FOXJ3: variants seen among roughly 807,000 people sequenced by gnomAD.
FOXJ3 encodes the protein forkhead box protein J3.
A neutral mutation model predicts 76.1 loss-of-function variants in FOXJ3; 22 were observed. That is an observed-to-expected ratio of 0.29 (90% CI 0.21 to 0.41). FOXJ3 has a LOEUF of 0.41. FOXJ3 is among the 10% of genes least tolerant of loss of function. FOXJ3 has a pLI of 1.00. For missense variants in FOXJ3, 613 were observed against 762.1 expected, an observed-to-expected ratio of 0.80 and a Z score of 2.30; for synonymous variants, 269 against 261.2, an observed-to-expected ratio of 1.03 and a Z score of -0.29.
chr1:42,300,166 C>T (rs1364016531), intron 2 of FOXJ3, among the ~76,000 whole-genome samples: 1 of 152,068 alleles, frequency 6.6e-6, no homozygotes, highest in Non-Finnish European at 1.5e-5. Context: ...TGCCACTACA[C>T]TCCAGCCTGG....
intron 2 of FOXJ3, among the ~76,000 whole-genome samples, chr1:42,292,589 T>C (rs1021170402): frequency 6.6e-6 from 1 of 151,738 alleles, no homozygotes; most frequent in Non-Finnish European, 1.5e-5. Flanking sequence ...ATCTAGAAAA[T>C]GCAAATATAT....
At chr1:42,185,014 T>C (rs1378259874) in intron 11 of FOXJ3, among the ~76,000 whole-genome samples, 1 of 152,026 alleles carries the variant, frequency 6.6e-6, no homozygotes, top group Non-Finnish European at 1.5e-5. Context: ...GTAGGCCATA[T>C]AGGCCATAGT....
At chr1:42,306,663 C>CTGCTATCCCT (rs1295343989) in intron 2 of FOXJ3, among the ~76,000 whole-genome samples, 1 of 152,150 alleles carries the variant, frequency 6.6e-6, no homozygotes, top group Non-Finnish European at 1.5e-5. Context: ...TGTGAATGGC[C>CTGCTATCCCT]TGCTATCCCT....
chr1:42,177,983 T>C lies in FOXJ3; in HGVS notation c.*1727A>G, dbSNP rs1487932801. 2.6e-5 allele frequency: 4 copies of C among 152,058 alleles called. No individual in the cohort carries two copies. The highest frequency in any genetic ancestry group is 7.3e-5 in the African/African-American group (3 of 41,124). 9.4% of individuals were successfully genotyped at this position (152,058 alleles called of 1,614,324 possible). ...ATTTCCCCATTAGAACTGACACTTT[T>C]TGGGGGGTCTAAAGAATCAATTCAA... On this transcript the variant is annotated 3_prime_UTR_variant, in exon 13 of 13. Coordinates refer to ENST00000361346, the MANE Select transcript of FOXJ3 (RefSeq NM_014947.5).
Position 42,242,829 on chromosome 1 carries a change from T to A in FOXJ3, c.445-14863A>T, listed in dbSNP as rs553861955. Among the ~76,000 whole-genome samples the A allele has an allele frequency of 3.3e-5, 5 of 152,200 alleles. No individual in the cohort carries two copies. In the East Asian group the frequency reaches 7.7e-4, roughly 24 times the overall value. ...TCTATTATAGCAAGAGATTTAGACA[T>A]CCAGATACAGGAAGCTCAGAGATCC... is the stretch of plus-strand genomic sequence containing the variant. On this transcript the variant is annotated intron_variant, in intron 4 of 12. Coordinates refer to ENST00000361346, the MANE Select transcript of FOXJ3 (RefSeq NM_014947.5).
chr1:42,285,799 GAC>G (rs1653017192), intron 2 of FOXJ3, among the ~76,000 whole-genome samples: 1 of 152,218 alleles, frequency 6.6e-6, no homozygotes, highest in Non-Finnish European at 1.5e-5. Context: ...ATGGACTAGT[GAC>G]TACTGAGTTT....
chr1:42,181,838 C>T lies in FOXJ3; in HGVS notation c.1753+79G>A, dbSNP rs1014613035. ...ACACACACACACACACTCTCTCTCT[C>T]ACCTGCCATCGTTGTTCCTGGAGTG... On this transcript the variant is annotated intron_variant, in intron 12 of 12. Transcript: ENST00000361346. 2.4e-5 allele frequency: 22 copies of T among 898,744 alleles called. No homozygotes were observed. The African/African-American group carries it at 3.0e-4, about 12-fold the overall frequency. The allele number at this position is 898,744 out of a possible 1,614,324, so 55.7% of individuals were successfully genotyped here.
intron 4 of FOXJ3, 37 bp from the exon 5 acceptor site, chr1:42,228,003 G>A: frequency 1.9e-6 from 2 of 1,045,696 alleles, no homozygotes; most frequent in Non-Finnish European, 1.4e-6. Context: ...GTATATTACA[G>A]CAAACCTATG....
chr1:42,215,440 AT>A, intron 5 of FOXJ3, among the ~76,000 whole-genome samples: 1 of 152,170 alleles, frequency 6.6e-6, no homozygotes, highest in East Asian at 1.9e-4. Context: ...TCAAAAGCTT[AT>A]GAAAAAAAGA....
intron 11 of FOXJ3, among the ~76,000 whole-genome samples, chr1:42,186,176 C>T (rs535846792): frequency 7.2e-5 from 11 of 152,028 alleles, no homozygotes; most frequent in African/African-American, 2.2e-4. Context: ...GGATGTAAGA[C>T]AGAGAAAAAA....
At chr1:42,188,185 T>C (rs1646474654) in intron 11 of FOXJ3, among the ~76,000 whole-genome samples, 1 of 152,006 alleles carries the variant, frequency 6.6e-6, no homozygotes, top group Non-Finnish European at 1.5e-5. Context: ...TACAGAAAAA[T>C]GTGCAATCAG....
chr1:42,274,442 T>C (rs1175780155), intron 3 of FOXJ3, among the ~76,000 whole-genome samples: 3 of 152,246 alleles, frequency 2.0e-5, no homozygotes, highest in African/African-American at 4.8e-5. Context: ...TGCAGAATTA[T>C]GCATCTTGTG....
intron 1 of FOXJ3, chr1:42,334,849 G>A (rs1313532663): frequency 6.6e-6 from 1 of 152,218 alleles, no homozygotes; most frequent in Non-Finnish European, 1.5e-5. Context: ...GCGCCGCGGG[G>A]GAGGGAAGGA....
intron 1 of FOXJ3, among the ~76,000 whole-genome samples, chr1:42,327,880 G>A (rs1655930292): frequency 6.6e-6 from 1 of 152,186 alleles, no homozygotes; most frequent in South Asian, 2.1e-4. Flanking sequence ...CTGACTGAAA[G>A]TCAGTTTACT....
intron 5 of FOXJ3, among the ~76,000 whole-genome samples, chr1:42,208,963 TGGTTGTATA>T (rs1646912889): frequency 6.6e-6 from 1 of 152,192 alleles, no homozygotes; most frequent in South Asian, 2.1e-4. Flanking sequence ...AAAAACAGAA[TGGTTGTATA>T]GGTACTTGAA....
At chr1:42,272,401 G>A (rs532171707) in intron 3 of FOXJ3, among the ~76,000 whole-genome samples, 8 of 152,288 alleles carry the variant, frequency 5.3e-5, no homozygotes, top group South Asian at 2.1e-4. Flanking sequence ...GTCTCCACTC[G>A]AAGTGTTCAA....
intron 6 of FOXJ3, among the ~76,000 whole-genome samples, chr1:42,203,886 C>T (rs1168100057): frequency 6.6e-6 from 1 of 151,550 alleles, no homozygotes; most frequent in South Asian, 2.1e-4. Context: ...ATCCCAGCTA[C>T]TTGGGAGGCT....
intron 1 of FOXJ3, among the ~76,000 whole-genome samples, chr1:42,324,054 C>CTGTATATACAGTGTATATATAGTATATAT (rs1557725618): frequency 3.5e-5 from 4 of 112,748 alleles, no homozygotes; most frequent in South Asian, 2.9e-4. Context: ...ATAGTATATA[C>CTGTATATACAGTGTATATATAGTATATAT]ACTGTATATA....
chr1:42,247,114 A>G (rs1188972191), intron 4 of FOXJ3, among the ~76,000 whole-genome samples: 1 of 152,178 alleles, frequency 6.6e-6, no homozygotes, highest in East Asian at 1.9e-4. Flanking sequence ...TAGACTGGCT[A>G]TAATTATCAA....
Sources: allele counts gnomAD v4.1 joint callset (sites outside exome capture counted in the v4.1 genomes callset), GRCh38; gene constraint gnomAD v4.1.1; transcripts MANE v1.5; gene names NCBI Gene and HGNC (gene_info 2026-07-23, HGNC 2026-07-21).